Variants in BMPER observed in about 807,000 individuals in gnomAD.
BMPER encodes BMP-binding endothelial regulator protein.
Under a neutral mutation model 87.3 loss-of-function variants are expected in BMPER, and 45 were observed. That is an observed-to-expected ratio of 0.52 (90% CI 0.41 to 0.66). The LOEUF (loss-of-function observed/expected upper bound fraction) is 0.66. Among genes scored for constraint, BMPER ranks in the 30% least tolerant of loss-of-function variants. The probability of loss-of-function intolerance (pLI) is 0.00; values close to 1 mark genes in which losing one functional copy is unlikely to be tolerated. For missense variants in BMPER, 784 were observed against 867.5 expected (o/e 0.90, Z 1.21); for synonymous variants, 326 against 316.2 (o/e 1.03, Z -0.33).
At chr7:34,119,014 T>TCCCACACACACACACACACA (rs66493349) in intron 13 of BMPER, among the ~76,000 whole-genome samples, 1 of 135,712 alleles carries the variant, frequency 7.4e-6, no homozygotes, top group African/African-American at 2.6e-5. Flanking sequence ...TCTCTCTCTC[T>TCCCACACACACACACACACA]CACACACACA....
chr7:33,973,933 G>C (rs990377087), intron 5 of BMPER, among the ~76,000 whole-genome samples: 5 of 152,112 alleles, frequency 3.3e-5, no homozygotes, highest in African/African-American at 1.2e-4. Context: ...GCATCTTTCT[G>C]AATAGGGAAC....
At chr7:34,048,166 A>AT (rs1379671622) in intron 7 of BMPER, among the ~76,000 whole-genome samples, 1 of 151,642 alleles carries the variant, frequency 6.6e-6, no homozygotes, top group Non-Finnish European at 1.5e-5. Flanking sequence ...CTGTTGATTT[A>AT]TTTTTCTCGT....
chr7:34,035,532 A>G (rs1787640139), intron 6 of BMPER, among the ~76,000 whole-genome samples: 1 of 152,228 alleles, frequency 6.6e-6, no homozygotes, highest in African/African-American at 2.4e-5. Flanking sequence ...TTTTGTCAAT[A>G]CAGTGAGAGA....
intron 6 of BMPER, among the ~76,000 whole-genome samples, chr7:33,985,315 A>G (rs925300432): frequency 6.6e-6 from 1 of 152,156 alleles, no homozygotes; most frequent in Non-Finnish European, 1.5e-5. Flanking sequence ...ATTTAACATT[A>G]TATTGTGAAT....
At chr7:33,920,480 C>G (rs1458312852) in intron 2 of BMPER, among the ~76,000 whole-genome samples, 2 of 124,476 alleles carry the variant, frequency 1.6e-5, no homozygotes, top group Non-Finnish European at 3.1e-5. Context: ...GGCTGGAGTA[C>G]AGTGGTGCGA....
chr7:34,075,782 A>G (rs1199515921), intron 11 of BMPER, among the ~76,000 whole-genome samples: 1 of 152,226 alleles, frequency 6.6e-6, no homozygotes, highest in East Asian at 1.9e-4. Context: ...CTGTCCCCTA[A>G]GTGTTCTCGA....
chr7:34,009,722 A>T (rs899406284), intron 6 of BMPER, among the ~76,000 whole-genome samples: 6 of 151,886 alleles, frequency 4.0e-5, no homozygotes, highest in African/African-American at 1.4e-4. Context: ...GAAACAAAAA[A>T]CTATTGTCAA....
chr7:34,078,921 C>T lies in BMPER; in HGVS notation c.1143C>T (p.Asn381=), dbSNP rs1349484757. 6.2e-7 allele frequency: 1 copy of T among 1,614,234 alleles called. No individual in the cohort carries two copies. Among genetic ancestry groups the T allele is most frequent in the Admixed American group, 1.7e-5 (1 of 60,026 alleles). The part of the protein sequence containing the change: ...HYNTFDGRTF[N]FQGTCQYVLT... ...ACACTTTTGACGGTCGGACATTTAACTTTCAGGGGACGTGTCAGTACGTTT... is the reference window on the plus strand; with the variant it reads ...ACACTTTTGACGGTCGGACATTTAATTTTCAGGGGACGTGTCAGTACGTTT... The change falls in exon 12 of 15, where the codon AAC becomes AAT. Residue 381 remains asparagine (N), a synonymous_variant. Coordinates refer to ENST00000649409, the MANE Select transcript of BMPER (RefSeq NM_001365308.1).
At chr7:33,906,772 TGCTAA>T (rs759832130) in intron 1 of BMPER, 41 bp from the exon 2 acceptor site, 15 of 1,537,014 alleles carry the variant, frequency 9.8e-6, no homozygotes, top group African/African-American at 1.4e-5. Context: ...GAAATCATGC[TGCTAA>T]GCTAACTTTA....
intron 6 of BMPER, among the ~76,000 whole-genome samples, chr7:34,044,356 A>T (rs563479838): frequency 4.6e-5 from 7 of 152,344 alleles, no homozygotes; most frequent in African/African-American, 1.7e-4. Flanking sequence ...TGATCCAACA[A>T]GAACAGAGAA....
At chr7:34,151,314 A>G (rs1791169989) in intron 14 of BMPER, among the ~76,000 whole-genome samples, 1 of 152,204 alleles carries the variant, frequency 6.6e-6, no homozygotes, top group Non-Finnish European at 1.5e-5. Context: ...CAAGTGCCAG[A>G]AAATGTGTGT....
chr7:34,068,232 A>T (rs1342642283), intron 11 of BMPER, among the ~76,000 whole-genome samples: 1 of 152,180 alleles, frequency 6.6e-6, no homozygotes, highest in Admixed American at 6.5e-5. Flanking sequence ...AGAGGTTAAG[A>T]AGGACGCTCA....
intron 2 of BMPER, among the ~76,000 whole-genome samples, chr7:33,936,661 G>A (rs778342203): frequency 3.9e-4 from 60 of 152,304 alleles, no homozygotes; most frequent in Non-Finnish European, 1.9e-4. Context: ...AAAAACCAAA[G>A]ATGCAAATGT....
intron 3 of BMPER, among the ~76,000 whole-genome samples, chr7:33,941,451 G>A: frequency 6.6e-6 from 1 of 151,656 alleles, no homozygotes; most frequent in Non-Finnish European, 1.5e-5. Flanking sequence ...TTCACACTTT[G>A]TTTCTATTAT....
At chr7:33,953,539 T>A (rs2128613920) in intron 3 of BMPER, among the ~76,000 whole-genome samples, 1 of 152,304 alleles carries the variant, frequency 6.6e-6, no homozygotes, top group East Asian at 1.9e-4. Flanking sequence ...TTGCCAGGAC[T>A]GCTTGTAAAA....
At chr7:33,995,452 C>G (rs1786379528) in intron 6 of BMPER, among the ~76,000 whole-genome samples, 1 of 152,124 alleles carries the variant, frequency 6.6e-6, no homozygotes, top group African/African-American at 2.4e-5. Context: ...ATGAGACCTC[C>G]TGTTGCAAGG....
intron 13 of BMPER, among the ~76,000 whole-genome samples, chr7:34,128,101 C>T (rs1362527924): frequency 6.6e-6 from 1 of 152,190 alleles, no homozygotes; most frequent in Non-Finnish European, 1.5e-5. Flanking sequence ...GTCTGTTCCC[C>T]TTCTTGATGT....
chr7:34,061,778 A>G (rs979462302), intron 10 of BMPER, among the ~76,000 whole-genome samples: 4 of 152,132 alleles, frequency 2.6e-5, no homozygotes, highest in Non-Finnish European at 5.9e-5. Context: ...TGGAGGATAA[A>G]AACAGGAAAG....
At chr7:33,939,790 G>A (rs995532302) in intron 3 of BMPER, among the ~76,000 whole-genome samples, 1 of 152,164 alleles carries the variant, frequency 6.6e-6, no homozygotes, top group African/African-American at 2.4e-5. Flanking sequence ...ATGCTGAGCT[G>A]TGACGCAATT....
Sources: allele counts gnomAD v4.1 joint callset (sites outside exome capture counted in the v4.1 genomes callset), GRCh38; gene constraint gnomAD v4.1.1; transcripts MANE v1.5; gene names NCBI Gene and HGNC (gene_info 2026-07-23, HGNC 2026-07-21).